The following LIPA variants were observed in gnomAD, a reference collection of about 807,000 sequenced individuals.
The protein encoded by LIPA is lysosomal acid lipase/cholesteryl ester hydrolase.
LIPA carries 26 observed loss-of-function variants against 40.6 expected under a neutral mutation model. The observed-to-expected ratio is 0.64, with a 90% CI of 0.47 to 0.89. The LOEUF (loss-of-function observed/expected upper bound fraction) is 0.89, where lower values mean the gene tolerates loss of function less well. Among genes scored for constraint, LIPA ranks in the 40% least tolerant of loss-of-function variants. The pLI, the probability that LIPA is intolerant of heterozygous loss-of-function variation, is 0.00. For missense variants in LIPA, 455 were observed against 479.6 expected, an observed-to-expected ratio of 0.95 and a Z score of 0.48; for synonymous variants, 188 against 168.4, an observed-to-expected ratio of 1.12 and a Z score of -0.90.
chr10:89,240,203 C>T (rs547661962), intron 3 of LIPA, among the ~76,000 whole-genome samples: 14 of 152,306 alleles, frequency 9.2e-5, no homozygotes, highest in Admixed American at 2.6e-4. Context: ...GCATCTTCCT[C>T]CTGTCCACAC....
chr10:89,408,975 T>A (rs1290801613), intron 2 of LIPA, among the ~76,000 whole-genome samples: 1 of 152,152 alleles, frequency 6.6e-6, no homozygotes, highest in Non-Finnish European at 1.5e-5. Flanking sequence ...CTAGAAGGAC[T>A]AAGGAGAATT....
chr10:89,322,061 G>A (rs551143311), intron 1 of LIPA, among the ~76,000 whole-genome samples: 6 of 152,094 alleles, frequency 3.9e-5, no homozygotes, highest in South Asian at 4.2e-4. Context: ...ACACACTGGG[G>A]CCTGTCATGG....
At chr10:89,277,933 C>A (rs1021921561) in intron 1 of LIPA, 1 of 152,120 alleles carries the variant, frequency 6.6e-6, no homozygotes, top group African/African-American at 2.4e-5. Flanking sequence ...TGCTCACTTA[C>A]CTAAATTACA....
At chr10:89,230,530 T>C (rs976597204) in intron 3 of LIPA, among the ~76,000 whole-genome samples, 9 of 152,078 alleles carry the variant, frequency 5.9e-5, no homozygotes, top group African/African-American at 2.2e-4. Context: ...GGTCTCAAAC[T>C]CCTGGACTCA....
chr10:89,224,976 C>T, intron 6 of LIPA, 116 bp downstream of exon 6: 1 of 1,310,634 alleles, frequency 7.6e-7, no homozygotes, highest in Non-Finnish European at 1.1e-6. Flanking sequence ...GCCCACTGCT[C>T]CACTGATATC....
chr10:89,356,909 T>C (rs1345039552), intron 2 of LIPA, among the ~76,000 whole-genome samples: 1 of 152,142 alleles, frequency 6.6e-6, no homozygotes, highest in East Asian at 1.9e-4. Context: ...TGATGACTGA[T>C]TGAATCATTG....
At chr10:89,388,740 G>T (rs966756942) in intron 2 of LIPA, among the ~76,000 whole-genome samples, 3 of 151,596 alleles carry the variant, frequency 2.0e-5, no homozygotes, top group Admixed American at 6.6e-5. Context: ...AAGTACACAG[G>T]ATCTTTTCTG....
chr10:89,257,605 G>A (rs1843187573), intron 1 of LIPA, among the ~76,000 whole-genome samples: 2 of 152,140 alleles, frequency 1.3e-5, no homozygotes, highest in Non-Finnish European at 2.9e-5. Flanking sequence ...CTTGAGAAAA[G>A]AAAAACAAAT....
chr10:89,236,896 AAAG>A (rs1237997712), intron 3 of LIPA, among the ~76,000 whole-genome samples: 2 of 152,242 alleles, frequency 1.3e-5, no homozygotes, highest in Non-Finnish European at 2.9e-5. Context: ...CTTAAAGAAA[AAAG>A]AAGGTGAAGA....
At chr10:89,346,015 G>A (rs11203082), upstream of LIPA, among the ~76,000 whole-genome samples, 65 of 152,258 alleles carry the variant, frequency 4.3e-4, no homozygotes, top group Middle Eastern at 0.014. Flanking sequence ...TGCCTTTGAG[G>A]CAGAAAGATT....
intron 2 of LIPA, among the ~76,000 whole-genome samples, chr10:89,357,472 C>T (rs1378799115): frequency 2.0e-5 from 3 of 152,204 alleles, no homozygotes; most frequent in African/African-American, 7.2e-5. Flanking sequence ...GCAGACTCCT[C>T]CTAAGAAAGG....
intron 1 of LIPA, among the ~76,000 whole-genome samples, chr10:89,259,674 T>C (rs1031201335): frequency 2.0e-5 from 3 of 152,204 alleles, no homozygotes; most frequent in Admixed American, 6.5e-5. Context: ...AATTGTGGTG[T>C]ATCTATACAA....
intron 2 of LIPA, among the ~76,000 whole-genome samples, chr10:89,355,903 T>C (rs1564798548): frequency 1.3e-5 from 2 of 152,214 alleles, no homozygotes; most frequent in East Asian, 3.8e-4. Flanking sequence ...GAATCCTCAA[T>C]TCTGTGAATT....
intron 2 of LIPA, chr10:89,402,985 A>G (rs1268506977): frequency 6.2e-7 from 1 of 1,614,108 alleles, no homozygotes; most frequent in South Asian, 1.1e-5. Context: ...GCTGAAGGAG[A>G]AAAGTACATT....
chr10:89,356,587 T>C (rs1843989957), intron 2 of LIPA, among the ~76,000 whole-genome samples: 1 of 152,154 alleles, frequency 6.6e-6, no homozygotes, highest in Admixed American at 6.5e-5. Flanking sequence ...CTTATGAGAA[T>C]CTAATGCCTG....
intron 1 of LIPA, among the ~76,000 whole-genome samples, chr10:89,330,181 T>C (rs887944757): frequency 6.6e-6 from 1 of 152,154 alleles, no homozygotes; most frequent in Admixed American, 6.5e-5. Flanking sequence ...GCCTGACAAG[T>C]GGGCACTGTG....
intron 1 of LIPA, among the ~76,000 whole-genome samples, chr10:89,303,721 C>G (rs979756091): frequency 2.0e-5 from 3 of 152,202 alleles, no homozygotes; most frequent in Non-Finnish European, 4.4e-5. Context: ...TCTATTTACT[C>G]TCTCTGTTTC....
chr10:89,407,918 T>A (rs1197437716), intron 2 of LIPA, among the ~76,000 whole-genome samples: 3 of 152,184 alleles, frequency 2.0e-5, no homozygotes, highest in Non-Finnish European at 4.4e-5. Context: ...TGCTGCTGCA[T>A]TGGTGAGTGC....
chr10:89,397,833 C>G (rs993735928), intron 2 of LIPA, among the ~76,000 whole-genome samples: 1 of 152,168 alleles, frequency 6.6e-6, no homozygotes, highest in Non-Finnish European at 1.5e-5. Flanking sequence ...ACATTTTCCA[C>G]GTTTTTGTTA....
Sources: allele counts gnomAD v4.1 joint callset (sites outside exome capture counted in the v4.1 genomes callset), GRCh38; gene constraint gnomAD v4.1.1; transcripts MANE v1.5; gene names NCBI Gene and HGNC (gene_info 2026-07-23, HGNC 2026-07-21).